The following KCTD3 variants were observed in gnomAD, a reference collection of about 807,000 sequenced individuals.
The protein encoded by KCTD3 is BTB/POZ domain-containing protein KCTD3.
In KCTD3, 41 loss-of-function variants were observed where a neutral mutation model predicts 85.8. The ratio of observed to expected loss-of-function variants is 0.48; its 90% CI spans 0.37 to 0.62. The LOEUF is 0.62. Among genes scored for constraint, KCTD3 ranks in the 20% least tolerant of loss-of-function variants. KCTD3 has a pLI of 0.00. For missense variants in KCTD3, 724 were observed against 989.9 expected (o/e 0.73, Z 3.60); for synonymous variants, 338 against 345.4 (o/e 0.98, Z 0.24).
At position 215,601,819 on chromosome 1, in the gene KCTD3, G is replaced by T. The variant is rs1288711162; in HGVS notation, c.934-48G>T. 4.5e-6 allele frequency: 5 copies of T among 1,121,816 alleles called. No individual in the cohort carries two copies. In the African/African-American group the frequency reaches 6.3e-5, roughly 14 times the overall value. The allele number at this position is 1,121,816 out of a possible 1,614,324, so 69.5% of individuals were successfully genotyped here. A position where few individuals can be genotyped will look rare whatever the true frequency, so the allele number is the denominator to read the frequency against. On this transcript the variant is annotated intron_variant, in intron 10 of 17. Transcript: ENST00000259154. ...TTTTGAGGAAATTGACCAGAAAATAGAAATTATAATTACTATCTAACATCT... is the reference window on the plus strand; with the variant it reads ...TTTTGAGGAAATTGACCAGAAAATATAAATTATAATTACTATCTAACATCT...
intron 1 of KCTD3, among the ~76,000 whole-genome samples, chr1:215,568,978 GA>G (rs1659260824): frequency 6.6e-6 from 1 of 152,096 alleles, no homozygotes; most frequent in Admixed American, 6.6e-5. Context: ...TAAAATATTG[GA>G]AGTTTGGTAA....
intron 9 of KCTD3, among the ~76,000 whole-genome samples, chr1:215,588,080 C>T (rs1359657463): frequency 1.3e-5 from 2 of 152,140 alleles, no homozygotes; most frequent in Non-Finnish European, 2.9e-5. Flanking sequence ...TCATTGGCAA[C>T]AAATAACATC....
At chr1:215,592,509 G>T (rs1381207870) in intron 9 of KCTD3, among the ~76,000 whole-genome samples, 1 of 152,066 alleles carries the variant, frequency 6.6e-6, no homozygotes. Context: ...TAATACACTG[G>T]TAATTAAACA....
At chr1:215,597,229 T>TA (rs796145475) in intron 10 of KCTD3, among the ~76,000 whole-genome samples, 4,058 of 133,714 alleles carry the variant, frequency 0.03, 133 homozygotes, top group African/African-American at 0.094. Flanking sequence ...GTAAGAAAAG[T>TA]AAAAAAAAAA....
At position 215,620,096 on chromosome 1, in the gene KCTD3, T is replaced by G. The variant is rs903950482; in HGVS notation, c.1926T>G (p.Ala642=). 1 of 1,608,944 alleles carries G rather than the reference T, an allele frequency of 6.2e-7. No homozygotes were observed. Among genetic ancestry groups the G allele is most frequent in the African/African-American group, 1.3e-5 (1 of 74,592 alleles). Residue 642 remains alanine, a synonymous_variant, in exon 18 of 18, where the codon GCT becomes GCG. Transcript: ENST00000259154. ...ACCATGATACCACCCATGAAGCAGC[T>G]ACTTACGGTTCCATGAGGCCTTACA... The part of the protein sequence containing the change: ...LQHHDTTHEA[A]TYGSMRPYRE...
chr1:215,604,937 A>T (rs115503056), intron 13 of KCTD3, among the ~76,000 whole-genome samples: 269 of 151,610 alleles, frequency 1.8e-3, no homozygotes, highest in Non-Finnish European at 3.1e-3. Flanking sequence ...ATTAAATATT[A>T]ATTGGATACA....
intron 10 of KCTD3, among the ~76,000 whole-genome samples, chr1:215,600,311 T>C (rs1203180822): frequency 2.0e-5 from 3 of 152,180 alleles, no homozygotes; most frequent in Non-Finnish European, 4.4e-5. Context: ...GTTTTAGTTA[T>C]TTCTGTTTTT....
chr1:215,575,919 C>A lies in KCTD3; in HGVS notation c.202C>A (p.Pro68Thr). Residue 68 changes from proline (P) to threonine (T), a missense_variant, in exon 4 of 18, where the codon CCA becomes ACA. By Grantham distance (38) the Pro-to-Thr change is conservative. Coordinates refer to ENST00000259154, the MANE Select transcript of KCTD3 (RefSeq NM_016121.5). ...ETGAIFIDRDPAAFAPILNFL... is the reference protein window; with the variant it reads ...ETGAIFIDRDTAAFAPILNFL... ...TTTACAGATATTTATTGATAGAGAT[C>A]CAGCAGCATTTGCACCCATTTTAAA... is the stretch of plus-strand genomic sequence containing the variant. The A allele has an allele frequency of 6.4e-7, 1 of 1,554,166 alleles. No homozygotes were observed.
chr1:215,567,637 G>A lies in KCTD3; in HGVS notation c.-49G>A. ...CTCGGGCTACAGCCCCGGGCTCGGCGGTCCCGGCTGGGGAAGGAGGGCGGC... is the reference window on the plus strand; with the variant it reads ...CTCGGGCTACAGCCCCGGGCTCGGCAGTCCCGGCTGGGGAAGGAGGGCGGC... On this transcript the variant is annotated 5_prime_UTR_variant, in exon 1 of 18. Coordinates refer to ENST00000259154, the MANE Select transcript of KCTD3 (RefSeq NM_016121.5). 1.7e-6 allele frequency: 2 copies of A among 1,167,708 alleles called. No individual in the cohort carries two copies. Among genetic ancestry groups the A allele is most frequent in the Non-Finnish European group, 2.1e-6 (2 of 931,792 alleles). 72.3% of individuals were successfully genotyped at this position (1,167,708 alleles called of 1,614,324 possible). A position where few individuals can be genotyped will look rare whatever the true frequency, so the allele number is the denominator to read the frequency against.
In KCTD3 at chr1:215,621,369, G is replaced by A. The variant is rs1002328274; in HGVS notation, c.*751G>A. On this transcript the variant is annotated 3_prime_UTR_variant, in exon 18 of 18. Coordinates refer to ENST00000259154, the MANE Select transcript of KCTD3 (RefSeq NM_016121.5). ...GGGCAAAGCTTTGAGTGCCCAGAAGGGAAAGCTGTACCAGTTGCTAACCTG... is the reference window on the plus strand; with the variant it reads ...GGGCAAAGCTTTGAGTGCCCAGAAGAGAAAGCTGTACCAGTTGCTAACCTG... The A allele has an allele frequency of 6.6e-6, 1 of 151,962 alleles. No individual in the cohort carries two copies. The highest frequency in any genetic ancestry group is 1.5e-5 in the Non-Finnish European group (1 of 67,944). The allele number at this position is 151,962 out of a possible 1,614,324, so 9.4% of individuals were successfully genotyped here. A position where few individuals can be genotyped will look rare whatever the true frequency, so the allele number is the denominator to read the frequency against.
At chr1:215,600,480 G>A (rs1022920061) in intron 10 of KCTD3, among the ~76,000 whole-genome samples, 33 of 152,022 alleles carry the variant, frequency 2.2e-4, no homozygotes, top group African/African-American at 7.7e-4. Flanking sequence ...CACTGAGATG[G>A]CAGTTCTTCC....
chr1:215,588,382 C>T (rs1436189765), intron 9 of KCTD3, among the ~76,000 whole-genome samples: 1 of 151,904 alleles, frequency 6.6e-6, no homozygotes, highest in East Asian at 2.0e-4. Context: ...ATTACATTCT[C>T]TGCCACAGAC....
At position 215,595,530 on chromosome 1, in the gene KCTD3, A is replaced by AT. The variant is rs910220287; in HGVS notation, c.933+69dup. On this transcript the variant is annotated intron_variant, in intron 10 of 17. Transcript: ENST00000259154. ...TTTCTGAAATGTATGCTGATTATGT[A>AT]TTTTTTTTTTCCTTGTAGAATTCGT... 4.8e-3 allele frequency: 4,508 copies of AT among 942,856 alleles called. 1 individual carries two copies. Among genetic ancestry groups the AT allele is most frequent in the South Asian group, 6.8e-3 (424 of 62,040 alleles). The allele number at this position is 942,856 out of a possible 1,614,324, so 58.4% of individuals were successfully genotyped here. A position where few individuals can be genotyped will look rare whatever the true frequency, so the allele number is the denominator to read the frequency against.
At chr1:215,615,067 C>T (rs866334980) in intron 15 of KCTD3, among the ~76,000 whole-genome samples, 3 of 152,106 alleles carry the variant, frequency 2.0e-5, no homozygotes, top group African/African-American at 4.8e-5. Flanking sequence ...TAACACTGTG[C>T]AATTTCTGCA....
intron 11 of KCTD3, 49 bp downstream of exon 11, chr1:215,602,003 A>G (rs1433177878): frequency 2.1e-6 from 3 of 1,414,830 alleles, no homozygotes; most frequent in Middle Eastern, 1.8e-4. Context: ...AATTTTTTAA[A>G]TGAGAACAAG....
Position 215,620,251 on chromosome 1 carries a change from A to G in KCTD3, c.2081A>G (p.Gln694Arg), listed in dbSNP as rs891132462. 6.2e-7 allele frequency: 1 copy of G among 1,613,982 alleles called. No individual in the cohort carries two copies. The highest frequency in any genetic ancestry group is 1.3e-5 in the African/African-American group (1 of 75,066). The change falls in exon 18 of 18, where the codon CAA becomes CGA. Residue 694 changes from glutamine to arginine, a missense_variant. Transcript: ENST00000259154. ...VPENGNLGPI[Q>R]AEVKGATGEC... ...GAAAATGGTAACTTGGGTCCAATAC[A>G]AGCTGAAGTGAAAGGGGCAACAGGG...
intron 4 of KCTD3, 89 bp downstream of exon 4, chr1:215,576,063 G>GTTTT: frequency 1.6e-6 from 1 of 617,728 alleles, no homozygotes; most frequent in Non-Finnish European, 2.6e-6. Flanking sequence ...TTTTTTGTTT[G>GTTTT]TTTTTTTTTT....
chr1:215,606,290 A>G (rs1409092298), intron 13 of KCTD3, among the ~76,000 whole-genome samples: 4 of 152,144 alleles, frequency 2.6e-5, no homozygotes, highest in Non-Finnish European at 5.9e-5. Context: ...GCTTTAAATT[A>G]AATTAGCCAA....
At chr1:215,569,664 C>G (rs1221317701) in intron 1 of KCTD3, among the ~76,000 whole-genome samples, 1 of 148,154 alleles carries the variant, frequency 6.7e-6, no homozygotes, top group African/African-American at 2.5e-5. Context: ...GGTGCGATCT[C>G]GGCTCACTGC....
Sources: gnomAD v4.1 joint callset for allele counts (sites outside exome capture counted in the v4.1 genomes callset) on GRCh38, gnomAD v4.1.1 for gene constraint, MANE v1.5 for transcripts, NCBI Gene and HGNC (gene_info 2026-07-23, HGNC 2026-07-21) for gene names.